LOC128125822: variants seen among roughly 807,000 people sequenced by gnomAD.
At chr6:63,572,502 C>T in the LOC128125822 span, 1 of 390,368 alleles carries the variant, frequency 2.6e-6, no homozygotes, top group African/African-American at 2.1e-5. Flanking sequence ...GTATTGGCTC[C>T]TTCGGCTGCG....
the LOC128125822 span, chr6:63,578,970 A>T: frequency 6.2e-7 from 1 of 1,607,972 alleles, no homozygotes; most frequent in East Asian, 2.2e-5. Flanking sequence ...TGTGAAAATT[A>T]AGTTTCGTGA....
the LOC128125822 span, chr6:63,579,228 A>C: frequency 6.4e-7 from 1 of 1,568,736 alleles, no homozygotes; most frequent in Non-Finnish European, 8.7e-7. Flanking sequence ...TTTTGAAAAA[A>C]CTATTTATCA....
chr6:63,575,727 A>G, the LOC128125822 span, among the ~76,000 whole-genome samples: 1 of 152,168 alleles, frequency 6.6e-6, no homozygotes, highest in Non-Finnish European at 1.5e-5. Flanking sequence ...TCCTTTTTAG[A>G]TTCATAAGCA....
chr6:63,580,181 G>A, the LOC128125822 span: 1 of 1,585,990 alleles, frequency 6.3e-7, no homozygotes, highest in Admixed American at 1.7e-5. Context: ...ATAAAATTGG[G>A]GTGCCTAATG....
At chr6:63,579,573 T>G in the LOC128125822 span, among the ~76,000 whole-genome samples, 1 of 152,260 alleles carries the variant, frequency 6.6e-6, no homozygotes, top group Non-Finnish European at 1.5e-5. Flanking sequence ...TTGAATATGT[T>G]GGTTATTTTG....
chr6:63,578,638 C>T, the LOC128125822 span: 3 of 1,396,754 alleles, frequency 2.1e-6, no homozygotes, highest in Admixed American at 3.1e-5. Flanking sequence ...CCTCAAAAAG[C>T]TAAAAACAAA....
chr6:63,579,501 A>G, the LOC128125822 span, among the ~76,000 whole-genome samples: 2 of 152,240 alleles, frequency 1.3e-5, no homozygotes. Flanking sequence ...GCAGTTGCTC[A>G]TATTACTAAG....
At chr6:63,576,739 A>G in the LOC128125822 span, 69 of 663,282 alleles carry the variant, frequency 1.0e-4, no homozygotes, top group African/African-American at 1.1e-3. Flanking sequence ...TTCACTTATC[A>G]TTACTTACAA....
At chr6:63,572,585 GC>G in the LOC128125822 span, 1 of 416,082 alleles carries the variant, frequency 2.4e-6, no homozygotes, top group Non-Finnish European at 4.2e-6. Flanking sequence ...GCCGCCGCCT[GC>G]ATCGCCGCCA....
At chr6:63,573,942 C>T in the LOC128125822 span, among the ~76,000 whole-genome samples, 188 of 152,220 alleles carry the variant, frequency 1.2e-3, no homozygotes, top group African/African-American at 4.2e-3. Context: ...ATGTTGTTGC[C>T]TCCTGTTGGT....
chr6:63,574,453 G>C, the LOC128125822 span, among the ~76,000 whole-genome samples: 1 of 152,086 alleles, frequency 6.6e-6, no homozygotes, highest in Non-Finnish European at 1.5e-5. Flanking sequence ...GAAATCTATC[G>C]GTGGCCACCA....
At chr6:63,573,385 C>T in the LOC128125822 span, 1 of 152,448 alleles carries the variant, frequency 6.6e-6, no homozygotes, top group East Asian at 1.9e-4. Flanking sequence ...GCGGGACAGC[C>T]ACTGGGTGCA....
chr6:63,580,590 AACACTAG>A, the LOC128125822 span: 1 of 158,786 alleles, frequency 6.3e-6, no homozygotes, highest in African/African-American at 2.4e-5. Context: ...AGGAACTATG[AACACTAG>A]ACCTTATGTG....
the LOC128125822 span, chr6:63,572,695 A>G: frequency 1.5e-5 from 6 of 402,068 alleles, no homozygotes; most frequent in Admixed American, 4.4e-5. Flanking sequence ...TTAGGCCACA[A>G]TCTTCAATGA....
At chr6:63,583,278 CAT>C in the LOC128125822 span, 1 of 152,182 alleles carries the variant, frequency 6.6e-6, no homozygotes, top group African/African-American at 2.4e-5. Flanking sequence ...GTCTGCCATA[CAT>C]GTTAATATTC....
chr6:63,577,854 T>G, the LOC128125822 span, among the ~76,000 whole-genome samples: 2 of 149,492 alleles, frequency 1.3e-5, no homozygotes, highest in Non-Finnish European at 3.0e-5. Flanking sequence ...ATATATTATA[T>G]ATACACTAAT....
the LOC128125822 span, chr6:63,578,384 G>A: frequency 6.4e-7 from 1 of 1,554,026 alleles, no homozygotes; most frequent in Non-Finnish European, 8.7e-7. Flanking sequence ...AAAATGTTGA[G>A]TTATAGTGAT....
At chr6:63,578,847 TAC>T in the LOC128125822 span, 1 of 1,399,540 alleles carries the variant, frequency 7.1e-7, no homozygotes, top group Non-Finnish European at 9.5e-7. Flanking sequence ...GAATTATTAC[TAC>T]AGTGTTTATA....
chr6:63,578,091 T>G, the LOC128125822 span, among the ~76,000 whole-genome samples: 6 of 152,142 alleles, frequency 3.9e-5, no homozygotes, highest in Non-Finnish European at 8.8e-5. Flanking sequence ...TTGTCTGCAT[T>G]GCTGCTAGCC....
Sources: allele counts gnomAD v4.1 joint callset (sites outside exome capture counted in the v4.1 genomes callset), GRCh38; gene constraint gnomAD v4.1.1; transcripts MANE v1.5.